ADGRB3: variants seen among roughly 807,000 people sequenced by gnomAD.
ADGRB3 encodes brain-specific angiogenesis inhibitor 3.
Under a neutral mutation model 193.4 loss-of-function variants are expected in ADGRB3, and 37 were observed. The observed-to-expected ratio is 0.19, with a 90% confidence interval of 0.15 to 0.25. The LOEUF is 0.25. ADGRB3 is among the 10% of genes least tolerant of loss of function. The probability of loss-of-function intolerance (pLI) is 1.00; values close to 1 mark genes in which losing one functional copy is unlikely to be tolerated. For missense variants in ADGRB3, 1,637 were observed against 1,852.9 expected (o/e 0.88, Z 2.14); for synonymous variants, 690 against 644.2 (o/e 1.07, Z -1.08).
intron 16 of ADGRB3, among the ~76,000 whole-genome samples, chr6:69,072,196 A>G (rs1428895966): frequency 6.6e-6 from 1 of 152,148 alleles, no homozygotes; most frequent in Non-Finnish European, 1.5e-5. Flanking sequence ...AGTCTCACAT[A>G]TTGGTGACTA....
At chr6:69,057,894 CT>C (rs960907393) in intron 15 of ADGRB3, among the ~76,000 whole-genome samples, 3 of 151,484 alleles carry the variant, frequency 2.0e-5, no homozygotes, top group Admixed American at 6.6e-5. Flanking sequence ...TGTAGTTTTC[CT>C]TTTTTTTATA....
chr6:69,226,210 C>T (rs763274669), intron 17 of ADGRB3, among the ~76,000 whole-genome samples: 2 of 152,228 alleles, frequency 1.3e-5, no homozygotes, highest in African/African-American at 2.4e-5. Context: ...GTGAAGCTCT[C>T]GAGCTCTGAA....
chr6:69,054,565 C>T (rs1213872257), intron 15 of ADGRB3, among the ~76,000 whole-genome samples: 1 of 152,020 alleles, frequency 6.6e-6, no homozygotes, highest in Non-Finnish European at 1.5e-5. Context: ...AATGTCTTCT[C>T]ATGAAAACAT....
intron 20 of ADGRB3, among the ~76,000 whole-genome samples, chr6:69,265,419 C>A (rs949900593): frequency 6.6e-6 from 1 of 151,856 alleles, no homozygotes; most frequent in African/African-American, 2.4e-5. Context: ...TAAAACTGAT[C>A]CCACATTTAA....
At chr6:69,099,068 C>T (rs1772962654) in intron 17 of ADGRB3, among the ~76,000 whole-genome samples, 4 of 152,162 alleles carry the variant, frequency 2.6e-5, no homozygotes. Context: ...TGAGGGTGTT[C>T]ATACTCCCCA....
intron 16 of ADGRB3, among the ~76,000 whole-genome samples, chr6:69,065,732 A>T (rs2150309011): frequency 6.7e-6 from 1 of 148,262 alleles, no homozygotes; most frequent in South Asian, 2.2e-4. Context: ...ACTGAAATTT[A>T]TTAGAACAAG....
At chr6:68,771,642 G>T (rs1766620396) in intron 3 of ADGRB3, among the ~76,000 whole-genome samples, 1 of 152,148 alleles carries the variant, frequency 6.6e-6, no homozygotes, top group African/African-American at 2.4e-5. Flanking sequence ...ATTCTAAAAA[G>T]GAGAGAGAAA....
intron 3 of ADGRB3, among the ~76,000 whole-genome samples, chr6:68,753,662 G>A (rs879437702): frequency 6.6e-6 from 1 of 152,160 alleles, no homozygotes; most frequent in Non-Finnish European, 1.5e-5. Flanking sequence ...AGACTGAAAG[G>A]TGTCAGAAAA....
intron 26 of ADGRB3, among the ~76,000 whole-genome samples, chr6:69,345,861 G>A (rs1035120408): frequency 2.0e-5 from 3 of 152,174 alleles, no homozygotes; most frequent in African/African-American, 7.2e-5. Flanking sequence ...AAACCCTGCA[G>A]TCTCAGCCCC....
chr6:68,789,973 G>A (rs752096344), intron 3 of ADGRB3, among the ~76,000 whole-genome samples: 28 of 152,108 alleles, frequency 1.8e-4, no homozygotes, highest in Non-Finnish European at 3.1e-4. Context: ...CATTTGTCAC[G>A]TAGCTCTTAT....
At chr6:68,645,523 G>T (rs955285976) in intron 3 of ADGRB3, among the ~76,000 whole-genome samples, 3 of 152,130 alleles carry the variant, frequency 2.0e-5, no homozygotes, top group Non-Finnish European at 4.4e-5. Flanking sequence ...TCCCTAAAAT[G>T]ACTCAGCCAC....
At chr6:68,950,862 C>G (rs1412915490) in intron 6 of ADGRB3, among the ~76,000 whole-genome samples, 1 of 152,206 alleles carries the variant, frequency 6.6e-6, no homozygotes, top group Non-Finnish European at 1.5e-5. Context: ...ACCATCCGTT[C>G]TACACAAAAC....
chr6:68,963,981 C>G (rs1453048008), intron 8 of ADGRB3, among the ~76,000 whole-genome samples: 1 of 152,016 alleles, frequency 6.6e-6, no homozygotes, highest in Non-Finnish European at 1.5e-5. Flanking sequence ...GTTTTTATTT[C>G]ATATGATAAA....
chr6:68,752,365 C>A (rs995478299), intron 3 of ADGRB3, among the ~76,000 whole-genome samples: 3 of 151,646 alleles, frequency 2.0e-5, no homozygotes, highest in African/African-American at 7.3e-5. Context: ...CAACCTCCAC[C>A]TCCCGGGTTC....
rs187860281 is a variant in ADGRB3, at chr6:68,813,846, G to A, written c.758-116713G>A. The stretch of plus-strand genomic sequence containing the variant: ...CTTGCGATAGTTTGCTGAGAATGAT[G>A]GTTTCCAGCTTCATCTATGTCCCTA... On this transcript the variant is annotated intron_variant, in intron 3 of 31. Coordinates refer to ENST00000370598, the MANE Select transcript of ADGRB3 (RefSeq NM_001704.3). 3.6e-3 allele frequency among the ~76,000 whole-genome samples: 544 copies of A among 152,152 alleles called. 4 individuals carry two copies. Among genetic ancestry groups the A allele is most frequent in the African/African-American group, 0.013 (526 of 41,500 alleles).
intron 3 of ADGRB3, among the ~76,000 whole-genome samples, chr6:68,832,816 T>G (rs1050698964): frequency 3.9e-5 from 6 of 152,206 alleles, no homozygotes; most frequent in African/African-American, 1.2e-4. Context: ...AATTCATTTA[T>G]ATCTCTGGAA....
intron 3 of ADGRB3, among the ~76,000 whole-genome samples, chr6:68,662,305 G>A (rs999201076): frequency 9.2e-5 from 14 of 151,588 alleles, no homozygotes; most frequent in Admixed American, 7.9e-4. Context: ...GGAGAGGGGA[G>A]TCTAAGTTAA....
At chr6:69,074,634 T>A (rs1323023377) in intron 16 of ADGRB3, among the ~76,000 whole-genome samples, 1 of 147,674 alleles carries the variant, frequency 6.8e-6, no homozygotes, top group Non-Finnish European at 1.5e-5. Flanking sequence ...AAGCTCCACC[T>A]CCTGGGTTGA....
intron 13 of ADGRB3, among the ~76,000 whole-genome samples, chr6:69,024,888 C>T (rs979486943): frequency 1.3e-5 from 2 of 151,916 alleles, no homozygotes; most frequent in Admixed American, 6.6e-5. Flanking sequence ...GTCAGGAGAT[C>T]GAGACCATCC....
Sources: allele counts gnomAD v4.1 joint callset (sites outside exome capture counted in the v4.1 genomes callset), GRCh38; gene constraint gnomAD v4.1.1; transcripts MANE v1.5; gene names NCBI Gene and HGNC (gene_info 2026-07-23, HGNC 2026-07-21).